The following OPCML variants were observed in gnomAD, a reference collection of about 807,000 sequenced individuals.
OPCML encodes opioid-binding protein/cell adhesion molecule.
Under a neutral mutation model 37.8 loss-of-function variants are expected in OPCML, and 13 were observed. The observed-to-expected ratio is 0.34, with a 90% CI of 0.22 to 0.55. The LOEUF is 0.55. Among genes scored for constraint, OPCML ranks in the 20% least tolerant of loss-of-function variants. The pLI is 0.91. For missense variants in OPCML, 341 were observed against 435.6 expected, an observed-to-expected ratio of 0.78 and a Z score of 1.93; for synonymous variants, 176 against 168.8, an observed-to-expected ratio of 1.04 and a Z score of -0.33.
At chr11:132,422,582 C>T (rs766936498) in intron 7 of OPCML, among the ~76,000 whole-genome samples, 4 of 151,772 alleles carry the variant, frequency 2.6e-5, no homozygotes, top group Non-Finnish European at 5.9e-5. Context: ...ACCGTGCTCT[C>T]CACGTGGCAA....
chr11:133,137,030 G>A (rs1949702886), intron 1 of OPCML, among the ~76,000 whole-genome samples: 1 of 151,700 alleles, frequency 6.6e-6, no homozygotes, highest in Admixed American at 6.6e-5. Flanking sequence ...CATATTTGCA[G>A]GAAGAAAAAG....
intron 3 of OPCML, among the ~76,000 whole-genome samples, chr11:132,605,991 T>A (rs1185872481): frequency 6.6e-6 from 1 of 152,196 alleles, no homozygotes; most frequent in Non-Finnish European, 1.5e-5. Flanking sequence ...CTGTGAATAC[T>A]TTTGAGTTAC....
chr11:132,449,083 G>T (rs765199097), intron 4 of OPCML, among the ~76,000 whole-genome samples: 6 of 152,200 alleles, frequency 3.9e-5, no homozygotes, highest in African/African-American at 7.2e-5. Flanking sequence ...TAAGGTCCCT[G>T]CAGAGCTGGC....
chr11:133,464,437 TGAGAA>T (rs1246235172), intron 1 of OPCML, among the ~76,000 whole-genome samples: 1 of 152,270 alleles, frequency 6.6e-6, no homozygotes, highest in Non-Finnish European at 1.5e-5. Context: ...ATGATGGGTT[TGAGAA>T]GAGAAATGTG....
intron 3 of OPCML, among the ~76,000 whole-genome samples, chr11:132,578,327 A>G (rs2096455337): frequency 6.6e-6 from 1 of 152,224 alleles, no homozygotes; most frequent in African/African-American, 2.4e-5. Context: ...ATTCCAAAAA[A>G]AACAAGTTCA....
intron 1 of OPCML, among the ~76,000 whole-genome samples, chr11:133,273,394 A>T (rs1198119589): frequency 6.6e-6 from 1 of 151,968 alleles, no homozygotes; most frequent in Non-Finnish European, 1.5e-5. Flanking sequence ...CACCCACCAA[A>T]CCACACTTCC....
intron 1 of OPCML, among the ~76,000 whole-genome samples, chr11:133,215,302 C>T (rs990495716): frequency 1.3e-5 from 2 of 152,152 alleles, no homozygotes; most frequent in African/African-American, 2.4e-5. Context: ...CCACTAATCA[C>T]GGGGTTTGAA....
chr11:132,715,196 G>A (rs568306888), intron 2 of OPCML, among the ~76,000 whole-genome samples: 13 of 152,266 alleles, frequency 8.5e-5, no homozygotes, highest in South Asian at 2.1e-4. Flanking sequence ...CTAGCTCAGC[G>A]CTGGCTTTTC....
rs555900169 is a variant in OPCML, at chr11:133,134,119, C to T, written c.62-191109G>A. ...CAATGCAAATCACAGGAGCTGCCTG[C>T]AAGCTTGTGTATTATAACTTACCTG... On this transcript the variant is annotated intron_variant, in intron 1 of 7. Coordinates refer to ENST00000524381, the MANE Select transcript of OPCML (RefSeq NM_001012393.5). Among the ~76,000 whole-genome samples the T allele has an allele frequency of 3.8e-3, 582 of 152,220 alleles. 4 individuals carry two copies. The highest frequency in any genetic ancestry group is 0.031 in the Middle Eastern group (9 of 294).
chr11:132,536,760 T>A (rs890323720), intron 3 of OPCML, among the ~76,000 whole-genome samples: 2 of 152,204 alleles, frequency 1.3e-5, no homozygotes, highest in Non-Finnish European at 2.9e-5. Flanking sequence ...GGCATTTATC[T>A]AGGCTAGGTT....
intron 2 of OPCML, among the ~76,000 whole-genome samples, chr11:132,728,980 T>G (rs143277090): frequency 1.2e-3 from 184 of 151,626 alleles, no homozygotes; most frequent in African/African-American, 3.8e-3. Flanking sequence ...ATAATGATGA[T>G]GAGGAGATGG....
At chr11:133,231,876 G>C (rs1414042487) in intron 1 of OPCML, among the ~76,000 whole-genome samples, 1 of 152,126 alleles carries the variant, frequency 6.6e-6, no homozygotes, top group Non-Finnish European at 1.5e-5. Context: ...AGGGGAGGGA[G>C]AAGCAGGCAG....
At chr11:132,961,044 G>A (rs1424556508) in intron 1 of OPCML, among the ~76,000 whole-genome samples, 1 of 152,186 alleles carries the variant, frequency 6.6e-6, no homozygotes, top group Non-Finnish European at 1.5e-5. Flanking sequence ...CCGAAAAAGG[G>A]CATGAGTGAC....
At chr11:133,451,680 T>C (rs1177467754) in intron 1 of OPCML, among the ~76,000 whole-genome samples, 4 of 147,300 alleles carry the variant, frequency 2.7e-5, no homozygotes, top group Non-Finnish European at 4.4e-5. Flanking sequence ...CTGTCTCTAC[T>C]AAAAATACAA....
chr11:132,755,295 A>G (rs1005692545), intron 2 of OPCML, among the ~76,000 whole-genome samples: 1 of 152,174 alleles, frequency 6.6e-6, no homozygotes, highest in African/African-American at 2.4e-5. Context: ...TATTTAATAT[A>G]TACCTTTACA....
At chr11:133,202,124 T>A (rs567946058) in intron 1 of OPCML, among the ~76,000 whole-genome samples, 14 of 152,220 alleles carry the variant, frequency 9.2e-5, no homozygotes, top group African/African-American at 3.1e-4. Flanking sequence ...GATCCGGGAA[T>A]GATTTAGGTG....
At chr11:133,049,984 T>C (rs1054651120) in intron 1 of OPCML, among the ~76,000 whole-genome samples, 2 of 152,184 alleles carry the variant, frequency 1.3e-5, no homozygotes, top group Admixed American at 6.5e-5. Context: ...AAGGTGGAAA[T>C]CCCTCACCAG....
chr11:133,499,641 T>A (rs1464839900), intron 1 of OPCML, among the ~76,000 whole-genome samples: 1 of 151,878 alleles, frequency 6.6e-6, no homozygotes, highest in Non-Finnish European at 1.5e-5. Flanking sequence ...TCTCACAGCC[T>A]GGAAGAAGGG....
chr11:132,730,143 G>T (rs1380344987), intron 2 of OPCML, among the ~76,000 whole-genome samples: 1 of 150,848 alleles, frequency 6.6e-6, no homozygotes, highest in Non-Finnish European at 1.5e-5. Flanking sequence ...CTCCCGAGTA[G>T]CTGGGATTAC....
Sources: allele counts gnomAD v4.1 joint callset (sites outside exome capture counted in the v4.1 genomes callset), GRCh38; gene constraint gnomAD v4.1.1; transcripts MANE v1.5; gene names NCBI Gene and HGNC (gene_info 2026-07-23, HGNC 2026-07-21).